CNTNAP2: variants seen among roughly 807,000 people sequenced by gnomAD.
CNTNAP2 encodes the protein contactin associated protein 2.
Under a neutral mutation model 155.2 loss-of-function variants are expected in CNTNAP2, and 98 were observed. The observed-to-expected ratio is 0.63, with a 90% CI of 0.54 to 0.75. The LOEUF (loss-of-function observed/expected upper bound fraction) is 0.75, where lower values mean the gene tolerates loss of function less well. Among genes scored for constraint, CNTNAP2 ranks in the 30% least tolerant of loss-of-function variants. The pLI, the probability that CNTNAP2 is intolerant of heterozygous loss-of-function variation, is 0.00. For synonymous variants in CNTNAP2, 651 were observed against 631.2 expected, an observed-to-expected ratio of 1.03 and a Z score of -0.47; for missense variants, 1,727 against 1,688.1, an observed-to-expected ratio of 1.02 and a Z score of -0.40.
chr7:147,234,713 C>T (rs1803762117), intron 8 of CNTNAP2, among the ~76,000 whole-genome samples: 1 of 152,144 alleles, frequency 6.6e-6, no homozygotes, highest in South Asian at 2.1e-4. Flanking sequence ...CCTTAATTTC[C>T]CTCAGCCTGG....
chr7:147,246,507 C>A (rs1563132199), intron 8 of CNTNAP2, among the ~76,000 whole-genome samples: 1 of 152,122 alleles, frequency 6.6e-6, no homozygotes, highest in Non-Finnish European at 1.5e-5. Flanking sequence ...AGAGAGTTGT[C>A]TTTTTGCTGT....
intron 8 of CNTNAP2, among the ~76,000 whole-genome samples, chr7:147,197,260 G>GA (rs1563112342): frequency 6.6e-6 from 1 of 152,048 alleles, no homozygotes; most frequent in Admixed American, 6.6e-5. Flanking sequence ...GTAACCAATG[G>GA]AAAAACCTCT....
chr7:148,183,403 T>G (rs1347018753), intron 18 of CNTNAP2, among the ~76,000 whole-genome samples: 1 of 152,118 alleles, frequency 6.6e-6, no homozygotes, highest in African/African-American at 2.4e-5. Flanking sequence ...GACAAAAGTT[T>G]TAAAGCATCT....
At chr7:146,281,205 A>G (rs1054776336) in intron 1 of CNTNAP2, among the ~76,000 whole-genome samples, 2 of 152,202 alleles carry the variant, frequency 1.3e-5, no homozygotes, top group African/African-American at 4.8e-5. Context: ...GTACATTCCA[A>G]TGAACACAGT....
At chr7:147,529,301 T>C (rs182516040) in intron 11 of CNTNAP2, among the ~76,000 whole-genome samples, 237 of 152,350 alleles carry the variant, frequency 1.6e-3, no homozygotes, top group Non-Finnish European at 1.7e-3. Flanking sequence ...TTTTGGCTTT[T>C]GAAAGTGAAC....
intron 21 of CNTNAP2, among the ~76,000 whole-genome samples, chr7:148,346,031 G>C (rs1333413344): frequency 6.6e-6 from 1 of 151,998 alleles, no homozygotes; most frequent in East Asian, 1.9e-4. Context: ...CTGCAGGTTG[G>C]AGTTTGATAG....
chr7:147,806,339 T>C (rs1485562958), intron 13 of CNTNAP2, among the ~76,000 whole-genome samples: 3 of 152,068 alleles, frequency 2.0e-5, no homozygotes, highest in Admixed American at 6.6e-5. Flanking sequence ...GATAAAATAA[T>C]AACAGATGGT....
At chr7:147,429,463 G>A (rs143253050) in intron 10 of CNTNAP2, among the ~76,000 whole-genome samples, 1 of 151,746 alleles carries the variant, frequency 6.6e-6, no homozygotes, top group Non-Finnish European at 1.5e-5. Flanking sequence ...TGAGTTCCTT[G>A]TAGGTTCTGT....
intron 1 of CNTNAP2, among the ~76,000 whole-genome samples, chr7:146,202,798 A>C (rs1297863423): frequency 6.6e-6 from 1 of 152,208 alleles, no homozygotes; most frequent in Non-Finnish European, 1.5e-5. Context: ...ATGATTACAG[A>C]AAATGTACAT....
chr7:146,434,849 A>G (rs1367245957), intron 1 of CNTNAP2, among the ~76,000 whole-genome samples: 1 of 152,196 alleles, frequency 6.6e-6, no homozygotes, highest in African/African-American at 2.4e-5. Flanking sequence ...GTGGCAGTTC[A>G]GAGTGGATTG....
At chr7:147,365,017 C>A (rs1481328466) in intron 9 of CNTNAP2, among the ~76,000 whole-genome samples, 1 of 152,108 alleles carries the variant, frequency 6.6e-6, no homozygotes, top group African/African-American at 2.4e-5. Context: ...GTTCTTCTAG[C>A]AGCATATAGA....
chr7:147,630,316 T>TAAAAAAAAAAAAAAAAAAAAAA (rs71183024), intron 12 of CNTNAP2, among the ~76,000 whole-genome samples: 1 of 73,078 alleles, frequency 1.4e-5, no homozygotes, highest in Admixed American at 1.4e-4. Flanking sequence ...GAAACAGTAG[T>TAAAAAAAAAAAAAAAAAAAAAA]AAAAAAAAAA....
At chr7:148,036,184 A>C (rs926894638) in intron 15 of CNTNAP2, among the ~76,000 whole-genome samples, 1 of 152,136 alleles carries the variant, frequency 6.6e-6, no homozygotes, top group African/African-American at 2.4e-5. Flanking sequence ...TTGGACTTTG[A>C]GTTGGGGCTG....
chr7:147,539,611 G>T (rs761261559), intron 11 of CNTNAP2, among the ~76,000 whole-genome samples: 1 of 152,148 alleles, frequency 6.6e-6, no homozygotes, highest in Admixed American at 6.6e-5. Flanking sequence ...CATTTGTTCA[G>T]ACCAGGAAAA....
chr7:146,721,889 A>ATATATATATATATATTTTTTTTTTTTTTT, intron 1 of CNTNAP2, among the ~76,000 whole-genome samples: 1 of 69,706 alleles, frequency 1.4e-5, no homozygotes, highest in African/African-American at 1.9e-4. Context: ...ATATATATAT[A>ATATATATATATATATTTTTTTTTTTTTTT]TTTTTTTTTT....
At chr7:147,802,893 A>G (rs570093233) in intron 13 of CNTNAP2, among the ~76,000 whole-genome samples, 78 of 152,206 alleles carry the variant, frequency 5.1e-4, no homozygotes, top group African/African-American at 1.8e-3. Context: ...TTCACTTCTC[A>G]AAACCCTCAC....
intron 9 of CNTNAP2, among the ~76,000 whole-genome samples, chr7:147,304,055 C>T (rs573627963): frequency 3.3e-5 from 5 of 152,146 alleles, no homozygotes; most frequent in Non-Finnish European, 7.3e-5. Context: ...AGTTAAGTCC[C>T]GGTTGTGTAG....
chr7:147,964,917 T>TA (rs1244694571), intron 14 of CNTNAP2, among the ~76,000 whole-genome samples: 1 of 152,200 alleles, frequency 6.6e-6, no homozygotes, highest in Non-Finnish European at 1.5e-5. Context: ...ATAGATCAAA[T>TA]ATCCAGCTGG....
chr7:146,972,246 T>C (rs1356028836), intron 3 of CNTNAP2, among the ~76,000 whole-genome samples: 2 of 152,214 alleles, frequency 1.3e-5, no homozygotes, highest in Non-Finnish European at 2.9e-5. Context: ...CTAACCTTTA[T>C]TAATGTATAT....
Sources: allele counts gnomAD v4.1 joint callset (sites outside exome capture counted in the v4.1 genomes callset), GRCh38; gene constraint gnomAD v4.1.1; transcripts MANE v1.5; gene names NCBI Gene and HGNC (gene_info 2026-07-23, HGNC 2026-07-21).